The following PTPRE variants were observed in gnomAD, a reference collection of about 807,000 sequenced individuals.
PTPRE encodes protein tyrosine phosphatase receptor type E, also known as receptor-type tyrosine-protein phosphatase epsilon.
PTPRE carries 51 observed loss-of-function variants against 102.0 expected under a neutral mutation model. That is an observed-to-expected ratio of 0.50 (90% CI 0.40 to 0.63). The LOEUF is 0.63. Ranked by LOEUF, PTPRE falls within the 30% of genes least tolerant of loss-of-function variation. The probability of loss-of-function intolerance (pLI) is 0.00; values close to 1 mark genes in which losing one functional copy is unlikely to be tolerated. For synonymous variants in PTPRE, 345 were observed against 348.2 expected (o/e 0.99, Z 0.10); for missense variants, 752 against 915.1 (o/e 0.82, Z 2.30).
At chr10:128,057,229 A>AT (rs1259987751) in intron 7 of PTPRE, among the ~76,000 whole-genome samples, 2 of 152,084 alleles carry the variant, frequency 1.3e-5, no homozygotes, top group African/African-American at 2.4e-5. Flanking sequence ...AAAAAAAAAA[A>AT]AGATCTGGCC....
At position 128,082,829 on chromosome 10, in the gene PTPRE, C is replaced by A; in HGVS notation, c.2029-3C>A. On this transcript the variant is annotated splice_polypyrimidine_tract_variant and splice_region_variant and intron_variant, in intron 20 of 20. Coordinates refer to ENST00000254667, the MANE Select transcript of PTPRE (RefSeq NM_006504.6). ...TTTAATGTGTCCTTGTTTGTCTTTTCAGGAACAGTATGAATTCTGCTACAA... is the reference window on the plus strand; with the variant it reads ...TTTAATGTGTCCTTGTTTGTCTTTTAAGGAACAGTATGAATTCTGCTACAA... 1 of 1,554,268 alleles carries A rather than the reference C, an allele frequency of 6.4e-7. No homozygotes were observed. Among genetic ancestry groups the A allele is most frequent in the African/African-American group, 1.4e-5 (1 of 71,260 alleles).
rs1845531517 is a variant in PTPRE at position 127,907,209 on chromosome 10, G to A, written c.-131G>A. On this transcript the variant is annotated 5_prime_UTR_variant, in exon 1 of 21. Coordinates refer to ENST00000254667, the MANE Select transcript of PTPRE (RefSeq NM_006504.6). This position sits in a 1 kb window ranked among gnomAD's most constrained non-coding sequence, Gnocchi z 4.8. The stretch of plus-strand genomic sequence containing the variant: ...TCCCCGCGACCCTTCTTCGCGCCCG[G>A]CGAAGACAGCCGGGCGCCCCGGAGG... The A allele has an allele frequency of 1.0e-6, 1 of 975,992 alleles. No homozygotes were observed. The highest frequency in any genetic ancestry group is 1.2e-6 in the Non-Finnish European group (1 of 822,134). The allele number at this position is 975,992 out of a possible 1,614,324, so 60.5% of individuals were successfully genotyped here.
intron 6 of PTPRE, among the ~76,000 whole-genome samples, chr10:128,051,193 G>A (rs1457854670): frequency 2.6e-5 from 4 of 152,168 alleles, no homozygotes; most frequent in African/African-American, 9.7e-5. Context: ...GACAGGGGCT[G>A]GGCTTGCTGA....
At chr10:127,972,615 G>A (rs1850839884) in intron 1 of PTPRE, among the ~76,000 whole-genome samples, 1 of 152,156 alleles carries the variant, frequency 6.6e-6, no homozygotes, top group African/African-American at 2.4e-5. Flanking sequence ...TTCTCTCACT[G>A]GATCATTACC....
At chr10:127,924,060 A>C (rs1371237164) in intron 1 of PTPRE, among the ~76,000 whole-genome samples, 2 of 152,222 alleles carry the variant, frequency 1.3e-5, no homozygotes, top group South Asian at 2.1e-4. Flanking sequence ...TGCATGGCAG[A>C]AGATGTCTCT....
In PTPRE at chr10:128,034,964, G is replaced by GT. The variant is rs1196190921; in HGVS notation, c.-7-5904dup. On this transcript the variant is annotated intron_variant, in intron 2 of 20. Coordinates refer to ENST00000254667, the MANE Select transcript of PTPRE (RefSeq NM_006504.6). The stretch of plus-strand genomic sequence containing the variant: ...ATTTTCAGATAATCAATACAAAAAG[G>GT]TTTTTTTCTTTTATTTTTATTTGTT... 4.6e-5 allele frequency among the ~76,000 whole-genome samples: 7 copies of GT among 152,200 alleles called. No homozygotes were observed. The South Asian group carries it at 1.2e-3, about 27-fold the overall frequency.
intron 8 of PTPRE, among the ~76,000 whole-genome samples, chr10:128,061,304 T>G (rs1257006179): frequency 6.6e-6 from 1 of 152,262 alleles, no homozygotes; most frequent in African/African-American, 2.4e-5. Flanking sequence ...TAAAACCATG[T>G]GCAGTGGACT....
At chr10:127,918,551 T>G (rs1290657443) in intron 1 of PTPRE, among the ~76,000 whole-genome samples, 1 of 137,888 alleles carries the variant, frequency 7.3e-6, no homozygotes, top group Non-Finnish European at 1.5e-5. Context: ...AGAGCGAGAC[T>G]CCATCTCAAA....
At chr10:127,956,391 G>A (rs1335289992) in intron 1 of PTPRE, among the ~76,000 whole-genome samples, 1 of 152,166 alleles carries the variant, frequency 6.6e-6, no homozygotes, top group Non-Finnish European at 1.5e-5. Context: ...CCACAACTGT[G>A]TGAACCAATC....
At chr10:127,913,994 G>A (rs534824953) in intron 1 of PTPRE, among the ~76,000 whole-genome samples, 24 of 152,306 alleles carry the variant, frequency 1.6e-4, no homozygotes, top group African/African-American at 3.1e-4. Context: ...GGTCCCCAGC[G>A]TTGGAGGTAG....
intron 4 of PTPRE, 48 bp from the exon 5 acceptor site, chr10:128,047,716 T>C: frequency 6.2e-7 from 1 of 1,614,076 alleles, no homozygotes. Flanking sequence ...CTGTTGGCTC[T>C]CGGGGAACCT....
Position 127,907,174 on chromosome 10 carries a change from C to T in PTPRE, c.-166C>T, listed in dbSNP as rs971870725. The T allele has an allele frequency of 1.3e-6, 1 of 786,862 alleles. No homozygotes were observed. Among genetic ancestry groups the T allele is most frequent in the Non-Finnish European group, 1.5e-6 (1 of 649,414 alleles). The allele number at this position is 786,862 out of a possible 1,614,324, so 48.7% of individuals were successfully genotyped here. A position where few individuals can be genotyped will look rare whatever the true frequency, so the allele number is the denominator to read the frequency against. ...CGCGAGCGGCTTCAGGAACCCACGGCCTCTGCGCGTCCCCGCGACCCTTCT... is the reference window on the plus strand; with the variant it reads ...CGCGAGCGGCTTCAGGAACCCACGGTCTCTGCGCGTCCCCGCGACCCTTCT... On this transcript the variant is annotated 5_prime_UTR_variant, in exon 1 of 21. Coordinates refer to ENST00000254667, the MANE Select transcript of PTPRE (RefSeq NM_006504.6). This position sits in a 1 kb window ranked among gnomAD's most constrained non-coding sequence, Gnocchi z 4.8.
intron 1 of PTPRE, among the ~76,000 whole-genome samples, chr10:127,917,534 T>C (rs1366447686): frequency 6.6e-6 from 1 of 152,016 alleles, no homozygotes; most frequent in Non-Finnish European, 1.5e-5. Context: ...TAGCCAGGCA[T>C]GATGGTGCAT....
In PTPRE at chr10:128,070,150, C is replaced by G; in HGVS notation, c.1144-151C>G. On this transcript the variant is annotated intron_variant, in intron 13 of 20. Transcript: ENST00000254667. This position sits in a 1 kb window ranked among gnomAD's most constrained non-coding sequence, Gnocchi z 4.8. ...CTCAAGGGCATAAATGGTCGTTATCCGTGGCCGGTACTCTGACTCTTGCCT... is the reference window on the plus strand; with the variant it reads ...CTCAAGGGCATAAATGGTCGTTATCGGTGGCCGGTACTCTGACTCTTGCCT... 1.1e-6 allele frequency: 1 copy of G among 911,300 alleles called. No homozygotes were observed. Among genetic ancestry groups the G allele is most frequent in the Admixed American group, 2.9e-5 (1 of 34,706 alleles). The allele number at this position is 911,300 out of a possible 1,614,324, so 56.5% of individuals were successfully genotyped here.
intron 5 of PTPRE, among the ~76,000 whole-genome samples, chr10:128,049,316 G>A (rs72847378): frequency 6.6e-6 from 1 of 151,852 alleles, no homozygotes; most frequent in African/African-American, 2.4e-5. Context: ...GCAGAGGGAC[G>A]CCCGTCACTT....
chr10:127,924,505 A>G (rs1227166049), intron 1 of PTPRE, among the ~76,000 whole-genome samples: 2 of 152,322 alleles, frequency 1.3e-5, no homozygotes, highest in African/African-American at 4.8e-5. Flanking sequence ...CTAGGACCAC[A>G]GGCATGAGCC....
chr10:128,066,202 T>C lies in PTPRE; in HGVS notation c.843+8T>C, dbSNP rs138907451. The C allele has an allele frequency of 3.8e-5, 62 of 1,612,290 alleles. No individual in the cohort carries two copies. The African/African-American group carries it at 6.9e-4, about 18-fold the overall frequency. The stretch of plus-strand genomic sequence containing the variant: ...AAGTTCTGCATACAGCCAGTAAGCA[T>C]CTCTAGTTGCTGCCCTTCCAGAAAG... On this transcript the variant is annotated splice_region_variant and intron_variant, in intron 11 of 20. Transcript: ENST00000254667.
chr10:128,040,880 C>A lies in PTPRE; in HGVS notation c.-2C>A, dbSNP rs1402577503. 1.2e-6 allele frequency: 2 copies of A among 1,613,748 alleles called. No homozygotes were observed. Among genetic ancestry groups the A allele is most frequent in the Admixed American group, 3.3e-5 (2 of 59,976 alleles). ...CTGTCCCTGCCTCTCTGCAGGTCCA[C>A]CATGGAGCCCTTGTGTCCACTCCTG... On this transcript the variant is annotated 5_prime_UTR_variant, in exon 3 of 21. Transcript: ENST00000254667.
chr10:128,042,743 C>T (rs995912351), intron 3 of PTPRE, among the ~76,000 whole-genome samples: 1 of 152,022 alleles, frequency 6.6e-6, no homozygotes, highest in Admixed American at 6.6e-5. Flanking sequence ...ATTTGTTCAT[C>T]GAACAAAATA....
Sources: allele counts gnomAD v4.1 joint callset (sites outside exome capture counted in the v4.1 genomes callset), GRCh38; gene constraint gnomAD v4.1.1; non-coding constraint Gnocchi (gnomAD v3.1); transcripts MANE v1.5; gene names NCBI Gene and HGNC (gene_info 2026-07-23, HGNC 2026-07-21).